Variants in RAPGEF4 observed in about 807,000 individuals in gnomAD.
RAPGEF4 encodes the protein Rap guanine nucleotide exchange factor 4.
Under a neutral mutation model 147.9 loss-of-function variants are expected in RAPGEF4, and 66 were observed. The ratio of observed to expected loss-of-function variants is 0.45; its 90% CI spans 0.37 to 0.55. The LOEUF (loss-of-function observed/expected upper bound fraction) is 0.55, where lower values mean the gene tolerates loss of function less well. RAPGEF4 is among the 20% of genes least tolerant of loss of function. RAPGEF4 has a pLI of 0.00. For synonymous variants in RAPGEF4, 419 were observed against 442.7 expected (o/e 0.95, Z 0.67); for missense variants, 1,071 against 1,257.3 (o/e 0.85, Z 2.24).
intron 1 of RAPGEF4, among the ~76,000 whole-genome samples, chr2:172,740,286 C>G (rs1694191247): frequency 6.6e-6 from 1 of 152,166 alleles, no homozygotes; most frequent in African/African-American, 2.4e-5. Flanking sequence ...GTTTCTTGTT[C>G]TTTAATTAGA....
At chr2:172,969,521 G>GTGAA (rs1174425523) in intron 10 of RAPGEF4, among the ~76,000 whole-genome samples, 6 of 152,328 alleles carry the variant, frequency 3.9e-5, no homozygotes, top group East Asian at 1.9e-4. Context: ...TGCTGAGTGA[G>GTGAA]TGAATGAATG....
chr2:172,966,986 G>A (rs1211742053), intron 9 of RAPGEF4: 3 of 306,934 alleles, frequency 9.8e-6, no homozygotes, highest in Non-Finnish European at 1.8e-5. Context: ...GCAGGTCAAA[G>A]TGTTCATCTG....
rs538451282 is a variant in RAPGEF4 at position 173,027,137 on chromosome 2, C to T, written c.2436C>T (p.Asn812=). ...GRHNFKKTTA[N]LDLFLRRFNE... ...ATAATTTTAAAAAGACCACAGCAAA[C>T]TTGGATTTGTTCCTGAGGAGATTTA... is the stretch of plus-strand genomic sequence containing the variant. Residue 812 remains asparagine (N), a synonymous_variant, in exon 25 of 31, where the codon AAC becomes AAT. Coordinates refer to ENST00000397081, the MANE Select transcript of RAPGEF4 (RefSeq NM_007023.4). The T allele has an allele frequency of 2.5e-6, 4 of 1,613,126 alleles. No individual in the cohort carries two copies. The highest frequency in any genetic ancestry group is 2.7e-5 in the African/African-American group (2 of 74,984).
intron 19 of RAPGEF4, among the ~76,000 whole-genome samples, chr2:173,016,879 A>G (rs2105899332): frequency 6.6e-6 from 1 of 152,352 alleles, no homozygotes; most frequent in Non-Finnish European, 1.5e-5. Flanking sequence ...TACTTGAACT[A>G]TAGATTAAAT....
At chr2:172,935,449 G>A (rs1686461201) in intron 6 of RAPGEF4, among the ~76,000 whole-genome samples, 1 of 152,170 alleles carries the variant, frequency 6.6e-6, no homozygotes, top group African/African-American at 2.4e-5. Context: ...TGCCCAGAAG[G>A]AGGAGGAATG....
chr2:172,996,397 A>T, intron 15 of RAPGEF4, 69 bp from the exon 16 acceptor site: 6 of 851,036 alleles, frequency 7.1e-6, no homozygotes, highest in Non-Finnish European at 7.2e-6. Flanking sequence ...AAAAACTTAG[A>T]TAAGTAAAAG....
chr2:172,923,450 T>G (rs1684967738), intron 6 of RAPGEF4, among the ~76,000 whole-genome samples: 1 of 152,058 alleles, frequency 6.6e-6, no homozygotes, highest in Non-Finnish European at 1.5e-5. Context: ...TTATTTTTAG[T>G]AGAGATGGGG....
chr2:172,988,861 G>A, intron 14 of RAPGEF4, 22 bp downstream of exon 14: 1 of 1,609,112 alleles, frequency 6.2e-7, no homozygotes, highest in Non-Finnish European at 8.5e-7. Context: ...GCAAAGTGTG[G>A]CTGAGAGACA....
intron 4 of RAPGEF4, among the ~76,000 whole-genome samples, chr2:172,835,464 G>A (rs1690819284): frequency 6.6e-6 from 1 of 152,142 alleles, no homozygotes; most frequent in Non-Finnish European, 1.5e-5. Flanking sequence ...ACATGGGCAT[G>A]GTATCAAAAT....
intron 6 of RAPGEF4, among the ~76,000 whole-genome samples, 180 bp downstream of exon 6, chr2:172,922,480 T>C (rs1684869020): frequency 6.6e-6 from 1 of 152,242 alleles, no homozygotes; most frequent in South Asian, 2.1e-4. Flanking sequence ...AGAAGGTTGA[T>C]TGCTCTGACA....
chr2:172,750,670 A>G (rs11695696), intron 1 of RAPGEF4, among the ~76,000 whole-genome samples: 6,301 of 152,230 alleles, frequency 0.041, 199 homozygotes, highest in Non-Finnish European at 0.058. Flanking sequence ...CTTTCTGGTA[A>G]TAGCCATTCT....
chr2:172,828,207 G>C (rs1689890780), intron 4 of RAPGEF4, among the ~76,000 whole-genome samples: 1 of 152,184 alleles, frequency 6.6e-6, no homozygotes, highest in Non-Finnish European at 1.5e-5. Context: ...GGAAGGAATA[G>C]AGAAAGTAAT....
chr2:173,028,687 G>C (rs1052832450), intron 25 of RAPGEF4, among the ~76,000 whole-genome samples: 5 of 151,858 alleles, frequency 3.3e-5, no homozygotes, highest in Admixed American at 3.3e-4. Flanking sequence ...TACATTTGCC[G>C]TCCTGTAGAG....
At chr2:172,879,856 G>A (rs1372580972) in intron 4 of RAPGEF4, among the ~76,000 whole-genome samples, 1 of 152,136 alleles carries the variant, frequency 6.6e-6, no homozygotes, top group African/African-American at 2.4e-5. Flanking sequence ...TAGGAAAGTT[G>A]CAACTTAGCT....
intron 4 of RAPGEF4, among the ~76,000 whole-genome samples, chr2:172,828,888 T>C (rs1444529931): frequency 2.0e-5 from 3 of 152,186 alleles, no homozygotes; most frequent in Non-Finnish European, 4.4e-5. Flanking sequence ...CAGATCTTTC[T>C]GTGAAGGAAA....
chr2:172,917,684 T>C (rs756428713), intron 4 of RAPGEF4, 118 bp from the exon 5 acceptor site: 2 of 857,878 alleles, frequency 2.3e-6, no homozygotes, highest in Non-Finnish European at 3.8e-6. Flanking sequence ...CATGGCTCTA[T>C]AAATACAAGG....
At chr2:173,036,973 T>C (rs1684100256) in intron 29 of RAPGEF4, among the ~76,000 whole-genome samples, 1 of 152,232 alleles carries the variant, frequency 6.6e-6, no homozygotes, top group Admixed American at 6.5e-5. Flanking sequence ...CAAATGTTCC[T>C]GAGTGACTTC....
intron 4 of RAPGEF4, among the ~76,000 whole-genome samples, chr2:172,815,844 G>T (rs1386658555): frequency 6.6e-6 from 1 of 152,104 alleles, no homozygotes; most frequent in African/African-American, 2.4e-5. Flanking sequence ...GTTGCTACCT[G>T]TGAACATTAA....
intron 17 of RAPGEF4, 92 bp downstream of exon 17, chr2:173,001,436 C>A: frequency 1.3e-6 from 2 of 1,512,842 alleles, no homozygotes; most frequent in South Asian, 1.1e-5. Context: ...GCAGGTAAGT[C>A]ATGGCCCAGG....
Sources: gnomAD v4.1 joint callset for allele counts (sites outside exome capture counted in the v4.1 genomes callset) on GRCh38, gnomAD v4.1.1 for gene constraint, MANE v1.5 for transcripts, NCBI Gene and HGNC (gene_info 2026-07-23, HGNC 2026-07-21) for gene names.